The following FGF14 variants were observed in gnomAD, a reference collection of about 807,000 sequenced individuals.
FGF14 encodes fibroblast growth factor homologous factor 4.
FGF14 carries 5 observed loss-of-function variants against 25.5 expected under a neutral mutation model. The observed-to-expected ratio is 0.20, with a 90% CI of 0.10 to 0.41. The LOEUF (loss-of-function observed/expected upper bound fraction) is 0.41, where lower values mean the gene tolerates loss of function less well. FGF14 is among the 10% of genes least tolerant of loss of function. The pLI is 1.00. For synonymous variants in FGF14, 138 were observed against 118.3 expected, an observed-to-expected ratio of 1.17 and a Z score of -1.08; for missense variants, 222 against 320.1, an observed-to-expected ratio of 0.69 and a Z score of 2.34.
chr13:101,729,445 T>C (rs988268793), intron 3 of FGF14, among the ~76,000 whole-genome samples: 1 of 152,118 alleles, frequency 6.6e-6, no homozygotes, highest in African/African-American at 2.4e-5. Context: ...AACACGTAAA[T>C]GGGAAGCAAT....
At chr13:101,788,581 C>T (rs1235165486) in intron 3 of FGF14, among the ~76,000 whole-genome samples, 1 of 151,884 alleles carries the variant, frequency 6.6e-6, no homozygotes, top group Non-Finnish European at 1.5e-5. Context: ...TTTAATGTGA[C>T]TTCGACATTA....
At chr13:101,990,583 T>C (rs1029584953) in intron 1 of FGF14, among the ~76,000 whole-genome samples, 2 of 152,044 alleles carry the variant, frequency 1.3e-5, no homozygotes, top group African/African-American at 4.8e-5. Flanking sequence ...AGGGAGGACT[T>C]GATCATGAGG....
chr13:102,338,125 A>T (rs182901497), intron 1 of FGF14, among the ~76,000 whole-genome samples: 18 of 152,156 alleles, frequency 1.2e-4, no homozygotes, highest in Admixed American at 3.3e-4. Context: ...CAGATGACAT[A>T]TGCATACAAG....
intron 1 of FGF14, among the ~76,000 whole-genome samples, chr13:102,396,992 A>G (rs2058600844): frequency 6.6e-6 from 1 of 152,182 alleles, no homozygotes; most frequent in Admixed American, 6.5e-5. Flanking sequence ...AGCAGCTTAC[A>G]TCTGTTTGCT....
At chr13:101,783,766 A>T (rs554218151) in intron 3 of FGF14, among the ~76,000 whole-genome samples, 1 of 152,256 alleles carries the variant, frequency 6.6e-6, no homozygotes, top group South Asian at 2.1e-4. Flanking sequence ...ACATTGCCCT[A>T]AATGGTGTTG....
intron 3 of FGF14, among the ~76,000 whole-genome samples, chr13:101,759,743 G>T (rs1022348155): frequency 3.9e-5 from 6 of 152,154 alleles, no homozygotes; most frequent in African/African-American, 1.4e-4. Context: ...GCACTTCTCA[G>T]TCCTTAAGAT....
intron 1 of FGF14, among the ~76,000 whole-genome samples, chr13:101,913,335 C>G (rs2033145737): frequency 6.6e-6 from 1 of 152,076 alleles, no homozygotes; most frequent in Non-Finnish European, 1.5e-5. Context: ...GCCTACCACA[C>G]CATTAATAGC....
chr13:101,801,965 A>G, intron 3 of FGF14: 1 of 477,772 alleles, frequency 2.1e-6, no homozygotes, highest in African/African-American at 2.0e-5. Context: ...ACATAAAAAG[A>G]AAAACCCAGA....
At chr13:101,793,032 ACT>A (rs1363719161) in intron 3 of FGF14, among the ~76,000 whole-genome samples, 2 of 152,052 alleles carry the variant, frequency 1.3e-5, no homozygotes, top group African/African-American at 2.4e-5. Flanking sequence ...TTTCAGAATT[ACT>A]CTCTTAGTGA....
At chr13:101,881,018 G>A (rs1213914513) in intron 1 of FGF14, among the ~76,000 whole-genome samples, 1 of 152,104 alleles carries the variant, frequency 6.6e-6, no homozygotes, top group Admixed American at 6.6e-5. Context: ...ATTTCCTCTA[G>A]GTAAAGTATA....
intron 1 of FGF14, among the ~76,000 whole-genome samples, chr13:102,156,545 G>A (rs917949037): frequency 2.0e-5 from 3 of 152,128 alleles, no homozygotes; most frequent in African/African-American, 7.2e-5. Flanking sequence ...CAAACCCACA[G>A]CCAATATCAT....
intron 1 of FGF14, among the ~76,000 whole-genome samples, chr13:101,914,402 T>TA (rs556751228): frequency 6.6e-4 from 101 of 151,992 alleles, no homozygotes; most frequent in African/African-American, 2.4e-3. Context: ...ATAAGAAGAA[T>TA]AAAAAATTCT....
At chr13:102,342,702 A>G (rs1485646157) in intron 1 of FGF14, among the ~76,000 whole-genome samples, 1 of 152,162 alleles carries the variant, frequency 6.6e-6, no homozygotes, top group African/African-American at 2.4e-5. Flanking sequence ...GAAGCCAAAC[A>G]GGAGTCTAGC....
Position 101,937,863 on chromosome 13 carries a change from G to C in FGF14, c.209-62567C>G, listed in dbSNP as rs960840195. Among the ~76,000 whole-genome samples the C allele has an allele frequency of 1.1e-4, 16 of 152,288 alleles. No individual in the cohort carries two copies. In the South Asian group the frequency reaches 1.2e-3, roughly 12 times the overall value. Reference sequence around the variant, plus strand: ...TCTGACTGCCTCAGCCTCCAAAAGTGCTGGGATTACAGGCATGAGGCACCG... The same window carrying C: ...TCTGACTGCCTCAGCCTCCAAAAGTCCTGGGATTACAGGCATGAGGCACCG... On this transcript the variant is annotated intron_variant, in intron 1 of 4. Transcript: ENST00000376131.
intron 1 of FGF14, among the ~76,000 whole-genome samples, chr13:102,357,410 C>A (rs2057450170): frequency 1.3e-5 from 2 of 152,082 alleles, no homozygotes; most frequent in African/African-American, 2.4e-5. Flanking sequence ...CTACCAATAG[C>A]AGTAGCCAAG....
intron 1 of FGF14, among the ~76,000 whole-genome samples, chr13:101,942,280 T>A (rs1316820919): frequency 6.6e-6 from 1 of 152,170 alleles, no homozygotes; most frequent in Non-Finnish European, 1.5e-5. Context: ...GAGAAAAGCC[T>A]GTTTAGTGTC....
At chr13:102,323,957 A>ATGTGTG (rs3066051) in intron 1 of FGF14, among the ~76,000 whole-genome samples, 2,115 of 136,466 alleles carry the variant, frequency 0.015, 22 homozygotes, top group Middle Eastern at 0.033. Flanking sequence ...AACGTGCAGT[A>ATGTGTG]TGTGTGTGTG....
intron 1 of FGF14, among the ~76,000 whole-genome samples, chr13:102,203,678 T>C (rs1207265999): frequency 6.6e-6 from 1 of 152,212 alleles, no homozygotes; most frequent in Non-Finnish European, 1.5e-5. Flanking sequence ...AAACAGTGAA[T>C]TTTAAACATT....
At chr13:101,725,362 A>G (rs1323368508) in intron 4 of FGF14, among the ~76,000 whole-genome samples, 1 of 151,924 alleles carries the variant, frequency 6.6e-6, no homozygotes, top group Non-Finnish European at 1.5e-5. Context: ...AGAATAATTC[A>G]CTCATATTTC....
Sources: allele counts gnomAD v4.1 joint callset (sites outside exome capture counted in the v4.1 genomes callset), GRCh38; gene constraint gnomAD v4.1.1; transcripts MANE v1.5; gene names NCBI Gene and HGNC (gene_info 2026-07-23, HGNC 2026-07-21).